The following PAK1IP1 variants were observed in gnomAD, a reference collection of about 807,000 sequenced individuals.
PAK1IP1 encodes PAK1 interacting protein 1.
Under a neutral mutation model 42.0 loss-of-function variants are expected in PAK1IP1, and 24 were observed. That is an observed-to-expected ratio of 0.57 (90% CI 0.41 to 0.80). The LOEUF is 0.80. Among genes scored for constraint, PAK1IP1 ranks in the 30% least tolerant of loss-of-function variants. PAK1IP1 has a pLI of 0.00. For synonymous variants in PAK1IP1, 154 were observed against 156.7 expected, an observed-to-expected ratio of 0.98 and a Z score of 0.13; for missense variants, 411 against 467.9, an observed-to-expected ratio of 0.88 and a Z score of 1.12.
upstream of PAK1IP1, among the ~76,000 whole-genome samples, chr6:10,693,066 C>CTAA (rs1158304183): frequency 2.6e-5 from 4 of 152,166 alleles, no homozygotes; most frequent in Admixed American, 6.5e-5. Context: ...TTGCTTTGTG[C>CTAA]TAATAACTCT....
rs114979482 is a variant in PAK1IP1 at position 10,702,616 on chromosome 6, G to A, written c.420G>A (p.Ser140=). The A allele has an allele frequency of 0.028, 45,303 of 1,612,970 alleles. 757 individuals are homozygous for A. The highest frequency in any genetic ancestry group is 0.035 in the Non-Finnish European group (41,056 of 1,179,284). The part of the protein sequence containing the change: ...SIHPSGKLAL[S]VGTDKTLRTW... ...ACCCATCTGGCAAGTTGGCCCTGTC[G>A]GTTGGTACAGATAAAACTTTAAGGT... The change falls in exon 4 of 10, where the codon TCG becomes TCA. Residue 140 remains serine, a synonymous_variant. Transcript: ENST00000379568.
chr6:10,705,424 A>G (rs1452647904), intron 7 of PAK1IP1, among the ~76,000 whole-genome samples: 2 of 152,242 alleles, frequency 1.3e-5, no homozygotes, highest in Non-Finnish European at 1.5e-5. Context: ...GAAATCAAGC[A>G]TATTTGAACA....
At position 10,702,610 on chromosome 6, in the gene PAK1IP1, C is replaced by T. The variant is rs1770063169; in HGVS notation, c.414C>T (p.Ala138=). The T allele has an allele frequency of 6.2e-7, 1 of 1,613,470 alleles. No individual in the cohort carries two copies. Among genetic ancestry groups the T allele is most frequent in the Non-Finnish European group, 8.5e-7 (1 of 1,179,818 alleles). The change falls in exon 4 of 10, where the codon GCC becomes GCT. Residue 138 remains alanine, a synonymous_variant. Transcript: ENST00000379568. The part of the protein sequence containing the change: ...FLSIHPSGKL[A]LSVGTDKTLR... ...CTATTCACCCATCTGGCAAGTTGGC[C>T]CTGTCGGTTGGTACAGATAAAACTT...
upstream of PAK1IP1, among the ~76,000 whole-genome samples, chr6:10,694,295 C>T (rs995657928): frequency 6.6e-6 from 1 of 151,316 alleles, no homozygotes; most frequent in African/African-American, 2.4e-5. Flanking sequence ...GCTCACTGCT[C>T]CCTCCCCAGG....
upstream of PAK1IP1, chr6:10,694,604 C>G (rs1769706448): frequency 2.5e-5 from 5 of 196,272 alleles, no homozygotes; most frequent in Admixed American, 1.1e-4. Flanking sequence ...CCCTAAGCAA[C>G]CGGCCGGAAG....
At chr6:10,694,670 C>A, upstream of PAK1IP1, 1 of 278,334 alleles carries the variant, frequency 3.6e-6, no homozygotes, top group South Asian at 4.7e-5. Context: ...GAGGATGTCC[C>A]GCCCGCTCCC....
At chr6:10,694,119 G>A (rs1258877599), upstream of PAK1IP1, among the ~76,000 whole-genome samples, 1 of 152,048 alleles carries the variant, frequency 6.6e-6, no homozygotes, top group Non-Finnish European at 1.5e-5. Flanking sequence ...AATTAGCCAG[G>A]CGTGGTGGCG....
upstream of PAK1IP1, among the ~76,000 whole-genome samples, chr6:10,694,183 C>A (rs1769625720): frequency 6.6e-6 from 1 of 150,468 alleles, no homozygotes; most frequent in South Asian, 2.1e-4. Flanking sequence ...TTGCTTGAAC[C>A]CGGGAGGCAG....
At chr6:10,707,268 C>T in intron 7 of PAK1IP1, 147 bp from the exon 8 acceptor site, 3 of 614,570 alleles carry the variant, frequency 4.9e-6, no homozygotes, top group Non-Finnish European at 8.8e-6. Context: ...GAATGCGAAG[C>T]ATAGCTATAT....
At chr6:10,698,346 A>G (rs1769923159) in intron 2 of PAK1IP1, among the ~76,000 whole-genome samples, 1 of 152,158 alleles carries the variant, frequency 6.6e-6, no homozygotes, top group African/African-American at 2.4e-5. Flanking sequence ...CATATTATGT[A>G]CCCCTCTGTG....
At chr6:10,696,578 G>C (rs1393143303) in intron 1 of PAK1IP1, among the ~76,000 whole-genome samples, 1 of 152,136 alleles carries the variant, frequency 6.6e-6, no homozygotes, top group African/African-American at 2.4e-5. Context: ...CTGAGATTTC[G>C]TTATTGGTGA....
At chr6:10,702,864 C>G (rs58582867) in intron 4 of PAK1IP1, among the ~76,000 whole-genome samples, 7 of 151,882 alleles carry the variant, frequency 4.6e-5, no homozygotes, top group Admixed American at 4.6e-4. Context: ...TGGAGTGCGG[C>G]GGCGTGATCT....
chr6:10,703,271 G>T, intron 4 of PAK1IP1, 134 bp from the exon 5 acceptor site: 1 of 628,604 alleles, frequency 1.6e-6, no homozygotes, highest in Non-Finnish European at 2.9e-6. Flanking sequence ...AAATATTGCT[G>T]TAAGGAAGAT....
upstream of PAK1IP1, chr6:10,694,613 A>C: frequency 1.7e-5 from 3 of 179,204 alleles, no homozygotes; most frequent in South Asian, 1.1e-4. Context: ...ACCGGCCGGA[A>C]GTCGGCCCCA....
In PAK1IP1 at chr6:10,703,514, G is replaced by A. The variant is rs1455691058; in HGVS notation, c.496+57G>A. On this transcript the variant is annotated intron_variant, in intron 5 of 9. Transcript: ENST00000379568. ...CATTCCTAATCTGGAAATCTGAAAT[G>A]CTCCAAAATCTGAAACTTTTTGAGC... 5.2e-6 allele frequency: 7 copies of A among 1,340,068 alleles called. No individual in the cohort carries two copies. In the African/African-American group the frequency reaches 8.7e-5, roughly 17 times the overall value. 83.0% of individuals were successfully genotyped at this position (1,340,068 alleles called of 1,614,324 possible).
chr6:10,700,877 T>C (rs1278543556), intron 2 of PAK1IP1, among the ~76,000 whole-genome samples: 1 of 152,142 alleles, frequency 6.6e-6, no homozygotes, highest in African/African-American at 2.4e-5. Context: ...TGCAGGTTTG[T>C]TACGTAGGTA....
chr6:10,694,602 AACCG>A, upstream of PAK1IP1: 5 of 196,498 alleles, frequency 2.5e-5, no homozygotes, highest in Non-Finnish European at 5.4e-5. Context: ...GCCCCTAAGC[AACCG>A]GCCGGAAGTC....
chr6:10,704,392 G>A, intron 5 of PAK1IP1, 115 bp from the exon 6 acceptor site: 2 of 657,550 alleles, frequency 3.0e-6, no homozygotes, highest in South Asian at 4.4e-5. Flanking sequence ...TTACGAAGAT[G>A]AAATAGGATA....
At chr6:10,692,385 A>G (rs55638311), upstream of PAK1IP1, among the ~76,000 whole-genome samples, 2,579 of 152,324 alleles carry the variant, frequency 0.017, 74 homozygotes, top group African/African-American at 0.059. Context: ...AATCTATTCT[A>G]AATCCTAAAA....
Sources: gnomAD v4.1 joint callset for allele counts (sites outside exome capture counted in the v4.1 genomes callset) on GRCh38, gnomAD v4.1.1 for gene constraint, MANE v1.5 for transcripts, NCBI Gene and HGNC (gene_info 2026-07-23, HGNC 2026-07-21) for gene names.